The following SPEF2 variants were observed in gnomAD, a reference collection of about 807,000 sequenced individuals.
SPEF2 encodes sperm flagellar and cilia associated 2.
SPEF2 carries 187 observed loss-of-function variants against 224.6 expected under a neutral mutation model. That is an observed-to-expected ratio of 0.83 (90% CI 0.74 to 0.94). The LOEUF (loss-of-function observed/expected upper bound fraction) is 0.94, where lower values mean the gene tolerates loss of function less well. Among genes scored for constraint, SPEF2 ranks in the 40% least tolerant of loss-of-function variants. SPEF2 has a pLI of 0.00. For synonymous variants in SPEF2, 715 were observed against 707.3 expected (o/e 1.01, Z -0.17); for missense variants, 2,170 against 2,135.6 (o/e 1.02, Z -0.32).
intron 28 of SPEF2, among the ~76,000 whole-genome samples, chr5:35,775,527 G>A (rs1237069278): frequency 1.3e-5 from 2 of 152,090 alleles, no homozygotes; most frequent in African/African-American, 4.8e-5. Flanking sequence ...ACACCATGGA[G>A]GGTTATCTAG....
At chr5:35,733,506 T>G (rs1746012960) in intron 21 of SPEF2, among the ~76,000 whole-genome samples, 1 of 152,170 alleles carries the variant, frequency 6.6e-6, no homozygotes, top group African/African-American at 2.4e-5. Flanking sequence ...AAATTACCTT[T>G]TAAAGTATGA....
At position 35,692,636 on chromosome 5, in the gene SPEF2, A is replaced by G; in HGVS notation, c.1811A>G (p.Asn604Ser). Residue 604 changes from asparagine (N) to serine (S), a missense_variant, in exon 12 of 37, where the codon AAT (asparagine) becomes AGT (serine). Asn to Ser is a conservative substitution (Grantham distance 46). Coordinates refer to ENST00000356031, the MANE Select transcript of SPEF2 (RefSeq NM_024867.4). ...GAAGCTATCCAAGCATTTCATGACA[A>G]TGAAAAAGTCAGTGAGGTTCTACCA... ...VQEAIQAFHD[N>S]EKVSEVLPIQ... 3 of 1,613,880 alleles carry G rather than the reference A, an allele frequency of 1.9e-6. No individual in the cohort carries two copies. Among genetic ancestry groups the G allele is most frequent in the South Asian group, 2.2e-5 (2 of 91,058 alleles).
chr5:35,721,488 C>T (rs1743651441), intron 20 of SPEF2, among the ~76,000 whole-genome samples: 1 of 152,146 alleles, frequency 6.6e-6, no homozygotes, highest in Admixed American at 6.5e-5. Flanking sequence ...AATTGTGAAG[C>T]CGCATGTCAA....
At chr5:35,790,869 T>C (rs1755854502) in intron 30 of SPEF2, 1 of 152,284 alleles carries the variant, frequency 6.6e-6, no homozygotes, top group South Asian at 2.1e-4. Flanking sequence ...TATCACTACA[T>C]GCTTTGGCCA....
At chr5:35,716,901 T>C (rs1269998103) in intron 20 of SPEF2, among the ~76,000 whole-genome samples, 5 of 152,172 alleles carry the variant, frequency 3.3e-5, no homozygotes, top group Admixed American at 3.3e-4. Flanking sequence ...CTTTGATTCA[T>C]TTATATTCTT....
intron 1 of SPEF2, among the ~76,000 whole-genome samples, chr5:35,622,807 C>T (rs567442509): frequency 3.7e-4 from 56 of 151,934 alleles, no homozygotes; most frequent in Non-Finnish European, 6.9e-4. Flanking sequence ...TTGTGTAAAT[C>T]GAAGCAAAAA....
At chr5:35,705,331 T>A (rs1405943312) in intron 17 of SPEF2, among the ~76,000 whole-genome samples, 1 of 152,020 alleles carries the variant, frequency 6.6e-6, no homozygotes, top group African/African-American at 2.4e-5. Flanking sequence ...GTAGCTACCA[T>A]CCGAAGAGAG....
At chr5:35,723,938 C>T (rs999798710) in intron 20 of SPEF2, among the ~76,000 whole-genome samples, 8 of 152,262 alleles carry the variant, frequency 5.3e-5, no homozygotes, top group South Asian at 2.1e-4. Flanking sequence ...TGATTGATCA[C>T]GGTTCTGGTA....
chr5:35,648,376 T>G (rs943467102), intron 5 of SPEF2, among the ~76,000 whole-genome samples: 11 of 150,234 alleles, frequency 7.3e-5, no homozygotes, highest in Non-Finnish European at 1.2e-4. Flanking sequence ...TTTTTTTTTG[T>G]TTTTTTTTGT....
chr5:35,703,877 AT>A (rs1335151084), intron 16 of SPEF2, among the ~76,000 whole-genome samples: 1 of 152,202 alleles, frequency 6.6e-6, no homozygotes, highest in Non-Finnish European at 1.5e-5. Context: ...CTCGAACTCT[AT>A]TAATTTGCTA....
Position 35,617,951 on chromosome 5 carries a change from G to C in SPEF2, c.-47G>C. On this transcript the variant is annotated 5_prime_UTR_variant, in exon 1 of 37. Transcript: ENST00000356031. ...ACGCGGGCTGGCAGGCTTGGTTCCT[G>C]GCGAGTTTCTAAGCCCCCGCCTGCG... 1 of 1,549,996 alleles carries C rather than the reference G, an allele frequency of 6.5e-7. No homozygotes were observed. The highest frequency in any genetic ancestry group is 8.7e-7 in the Non-Finnish European group (1 of 1,143,482).
intron 25 of SPEF2, among the ~76,000 whole-genome samples, chr5:35,763,070 C>G (rs1361222090): frequency 6.6e-6 from 1 of 152,174 alleles, no homozygotes; most frequent in Non-Finnish European, 1.5e-5. Context: ...CATGGACAGT[C>G]ATGTCCTACC....
intron 12 of SPEF2, among the ~76,000 whole-genome samples, chr5:35,693,370 G>T (rs916120498): frequency 1.3e-5 from 2 of 152,162 alleles, no homozygotes; most frequent in African/African-American, 4.8e-5. Context: ...AAAACTGTCG[G>T]CAGGCCTTTG....
At chr5:35,807,754 A>G (rs997653514) in intron 36 of SPEF2, 1 of 1,535,948 alleles carries the variant, frequency 6.5e-7, no homozygotes, top group African/African-American at 1.4e-5. Flanking sequence ...GAGAAACTGG[A>G]CAAACCCAGC....
In SPEF2 at chr5:35,807,559, T is replaced by C. The variant is rs915084952; in HGVS notation, c.5379+306T>C. 4.4e-5 allele frequency: 57 copies of C among 1,291,450 alleles called. No individual in the cohort carries two copies. In the Middle Eastern group the frequency reaches 5.4e-4, roughly 12 times the overall value. 80.0% of individuals were successfully genotyped at this position (1,291,450 alleles called of 1,614,324 possible). On this transcript the variant is annotated intron_variant, in intron 36 of 36. Coordinates refer to ENST00000356031, the MANE Select transcript of SPEF2 (RefSeq NM_024867.4). The stretch of plus-strand genomic sequence containing the variant: ...GATTGAAGGGTTTGGAGAATAAGAT[T>C]CCTCCTGCCAAAGAGAACTAACCAA...
chr5:35,741,070 C>T (rs1269455703), intron 23 of SPEF2, among the ~76,000 whole-genome samples: 2 of 152,140 alleles, frequency 1.3e-5, no homozygotes, highest in Non-Finnish European at 2.9e-5. Context: ...ATGGTCCTAG[C>T]ACCATTAAAG....
At position 35,685,222 on chromosome 5, in the gene SPEF2, T is replaced by G. The variant is rs186616896; in HGVS notation, c.1525-5815T>G. 7.7e-4 allele frequency among the ~76,000 whole-genome samples: 117 copies of G among 152,280 alleles called. 2 individuals carry two copies. In the East Asian group the frequency reaches 0.02, roughly 27 times the overall value. On this transcript the variant is annotated intron_variant, in intron 10 of 36. Coordinates refer to ENST00000356031, the MANE Select transcript of SPEF2 (RefSeq NM_024867.4). Reference sequence around the variant, plus strand: ...TATATACTAAATACACTAAAATTTATGTATAACTACATTACACCAATTTTA... The same window carrying G: ...TATATACTAAATACACTAAAATTTAGGTATAACTACATTACACCAATTTTA...
Position 35,630,785 on chromosome 5 carries a change from C to T in SPEF2, c.161+2223C>T, listed in dbSNP as rs542658294. Among the ~76,000 whole-genome samples, 11 of 152,286 alleles carry T rather than the reference C, an allele frequency of 7.2e-5. No homozygotes were observed. The East Asian group carries it at 7.7e-4, about 11-fold the overall frequency. Reference sequence around the variant, plus strand: ...AAGTTCCACAGATCTCTAGGGCAGGCGTAAAATGCCACCAGTCTTTTTGCT... The same window carrying T: ...AAGTTCCACAGATCTCTAGGGCAGGTGTAAAATGCCACCAGTCTTTTTGCT... On this transcript the variant is annotated intron_variant, in intron 2 of 36. Coordinates refer to ENST00000356031, the MANE Select transcript of SPEF2 (RefSeq NM_024867.4).
At position 35,707,339 on chromosome 5, in the gene SPEF2, G is replaced by A. The variant is rs140574596; in HGVS notation, c.2665+1531G>A. ...ATACTTGATGATGGGGAAGGAGATA[G>A]GACTTAAAGAGACTTAACAGGCAAT... On this transcript the variant is annotated intron_variant, in intron 18 of 36. Coordinates refer to ENST00000356031, the MANE Select transcript of SPEF2 (RefSeq NM_024867.4). Among the ~76,000 whole-genome samples, 38 of 152,234 alleles carry A rather than the reference G, an allele frequency of 2.5e-4. No individual in the cohort carries two copies. In the East Asian group the frequency reaches 6.4e-3, roughly 26 times the overall value.
Sources: allele counts gnomAD v4.1 joint callset (sites outside exome capture counted in the v4.1 genomes callset), GRCh38; gene constraint gnomAD v4.1.1; transcripts MANE v1.5; gene names NCBI Gene and HGNC (gene_info 2026-07-23, HGNC 2026-07-21).